The following SDK1 variants were observed in gnomAD, a reference collection of about 807,000 sequenced individuals.
The protein encoded by SDK1 is sidekick cell adhesion molecule 1.
In SDK1, 157 loss-of-function variants were observed where a neutral mutation model predicts 245.5. The ratio of observed to expected loss-of-function variants is 0.64; its 90% CI spans 0.56 to 0.73. SDK1 has a LOEUF of 0.73. Among genes scored for constraint, SDK1 ranks in the 30% least tolerant of loss-of-function variants. SDK1 has a pLI of 0.00. For missense variants in SDK1, 3,583 were observed against 3,002.3 expected (o/e 1.19, Z -4.52); for synonymous variants, 1,647 against 1,278.5 (o/e 1.29, Z -6.15).
chr7:3,777,662 A>G (rs527329473), intron 4 of SDK1, among the ~76,000 whole-genome samples: 2 of 152,160 alleles, frequency 1.3e-5, no homozygotes, highest in Admixed American at 1.3e-4. Flanking sequence ...GTGGGTATTC[A>G]CATATTTTCG....
intron 7 of SDK1, among the ~76,000 whole-genome samples, chr7:3,956,361 C>G (rs756421853): frequency 2.4e-4 from 37 of 152,266 alleles, no homozygotes; most frequent in Middle Eastern, 3.4e-3. Context: ...TGTGTAAAAC[C>G]GTAGCTGGAA....
At chr7:3,321,085 T>G (rs148459459) in intron 1 of SDK1, among the ~76,000 whole-genome samples, 1 of 152,204 alleles carries the variant, frequency 6.6e-6, no homozygotes. Flanking sequence ...TTTTAAGATA[T>G]TTCAGGGCTT....
intron 1 of SDK1, among the ~76,000 whole-genome samples, chr7:3,564,305 C>G (rs1292172314): frequency 1.3e-5 from 2 of 151,922 alleles, no homozygotes; most frequent in Non-Finnish European, 2.9e-5. Flanking sequence ...AGACCTCTGA[C>G]AGACTCAAAA....
chr7:3,941,907 CTT>C (rs72338979), intron 5 of SDK1, among the ~76,000 whole-genome samples: 29 of 128,138 alleles, frequency 2.3e-4, no homozygotes, highest in South Asian at 2.6e-4. Flanking sequence ...AGACTTCATT[CTT>C]TTTTTTTTTT....
At chr7:4,045,384 A>G (rs1788945822) in intron 17 of SDK1, among the ~76,000 whole-genome samples, 1 of 152,000 alleles carries the variant, frequency 6.6e-6, no homozygotes, top group South Asian at 2.1e-4. Flanking sequence ...CTGGGACTAT[A>G]GGTGTGTGCC....
At chr7:4,170,824 G>A (rs546375283) in intron 32 of SDK1, among the ~76,000 whole-genome samples, 8 of 152,204 alleles carry the variant, frequency 5.3e-5, no homozygotes, top group South Asian at 2.1e-4. Flanking sequence ...CTGGCGGCCC[G>A]GCATGGGGGA....
chr7:4,252,347 G>T (rs910412594), intron 44 of SDK1, among the ~76,000 whole-genome samples: 2 of 151,980 alleles, frequency 1.3e-5, no homozygotes, highest in African/African-American at 4.8e-5. Context: ...TGAGAATGAT[G>T]GTTTCCAGCT....
At chr7:3,504,257 G>T (rs1156760814) in intron 1 of SDK1, among the ~76,000 whole-genome samples, 2 of 147,394 alleles carry the variant, frequency 1.4e-5, no homozygotes, top group African/African-American at 2.5e-5. Context: ...GGATGCTGCT[G>T]TTGTTGTCGT....
intron 4 of SDK1, among the ~76,000 whole-genome samples, chr7:3,670,171 G>T (rs1783654421): frequency 6.6e-6 from 1 of 152,062 alleles, no homozygotes; most frequent in Non-Finnish European, 1.5e-5. Context: ...CCATGCTGTG[G>T]TCAGAATGAT....
At chr7:4,191,093 T>C (rs973457724) in intron 35 of SDK1, among the ~76,000 whole-genome samples, 1 of 152,188 alleles carries the variant, frequency 6.6e-6, no homozygotes, top group Non-Finnish European at 1.5e-5. Flanking sequence ...CTGTTATGTA[T>C]GCGGGAAAAA....
intron 5 of SDK1, among the ~76,000 whole-genome samples, chr7:3,832,711 C>A (rs1779941657): frequency 6.6e-6 from 1 of 152,172 alleles, no homozygotes; most frequent in Admixed American, 6.5e-5. Flanking sequence ...TAGATTCTTT[C>A]TGTGTGTTCT....
intron 1 of SDK1, among the ~76,000 whole-genome samples, chr7:3,349,404 G>T (rs1780597814): frequency 6.6e-6 from 1 of 152,104 alleles, no homozygotes; most frequent in African/African-American, 2.4e-5. Flanking sequence ...ATGGGGCTGG[G>T]GAGGGAGGGG....
intron 1 of SDK1, among the ~76,000 whole-genome samples, chr7:3,491,104 G>A (rs769367444): frequency 4.6e-5 from 7 of 152,176 alleles, no homozygotes; most frequent in Non-Finnish European, 7.3e-5. Flanking sequence ...AAAAGGTTAA[G>A]GACCTTGTCA....
In SDK1 at chr7:4,257,617, T is replaced by C. The variant is rs1787711641; in HGVS notation, c.6382-7507T>C. On this transcript the variant is annotated intron_variant, in intron 44 of 44. Transcript: ENST00000404826. ...CTCTGCCTGACATTTATTGGTCATG[T>C]GGCTCTGGGTGTATTCTCACTTCTC... 2.0e-5 allele frequency among the ~76,000 whole-genome samples: 3 copies of C among 152,258 alleles called. No individual in the cohort carries two copies. The South Asian group carries it at 6.2e-4, about 31-fold the overall frequency.
At chr7:4,150,911 G>A (rs1780335193) in intron 30 of SDK1, among the ~76,000 whole-genome samples, 1 of 152,266 alleles carries the variant, frequency 6.6e-6, no homozygotes, top group Non-Finnish European at 1.5e-5. Flanking sequence ...GTACAGAGCT[G>A]TGAAGCTGGA....
intron 1 of SDK1, among the ~76,000 whole-genome samples, chr7:3,578,543 G>T (rs1780377086): frequency 6.6e-6 from 1 of 151,956 alleles, no homozygotes; most frequent in African/African-American, 2.4e-5. Context: ...TGAGAGTACT[G>T]CAGGAGACCA....
intron 1 of SDK1, among the ~76,000 whole-genome samples, chr7:3,501,698 G>C (rs1466404724): frequency 6.6e-6 from 1 of 152,046 alleles, no homozygotes; most frequent in Non-Finnish European, 1.5e-5. Context: ...ATTTGTTCTA[G>C]TTACTGGTCC....
rs753306679 is a variant in SDK1 at position 3,334,044 on chromosome 7, C to T, written c.298+32160C>T. Among the ~76,000 whole-genome samples the T allele has an allele frequency of 7.4e-4, 113 of 152,206 alleles. 2 individuals carry two copies. The highest frequency in any genetic ancestry group is 2.6e-4 in the Non-Finnish European group (18 of 68,030). On this transcript the variant is annotated intron_variant, in intron 1 of 44. Transcript: ENST00000404826. ...TTTCTCTCCCCACTTAGTTCAGTTT[C>T]ATTCTTAACCCAGTTGGACCATACC...
At chr7:3,414,881 C>T (rs192422044) in intron 1 of SDK1, among the ~76,000 whole-genome samples, 2 of 152,264 alleles carry the variant, frequency 1.3e-5, no homozygotes, top group Non-Finnish European at 2.9e-5. Context: ...TTTAAAGATG[C>T]ATCCATGTTG....
Sources: allele counts gnomAD v4.1 joint callset (sites outside exome capture counted in the v4.1 genomes callset), GRCh38; gene constraint gnomAD v4.1.1; transcripts MANE v1.5; gene names NCBI Gene and HGNC (gene_info 2026-07-23, HGNC 2026-07-21).